Variants in DNAI3 observed in about 807,000 individuals in gnomAD.
DNAI3 encodes the protein dynein axonemal intermediate chain 3.
Under a neutral mutation model 115.5 loss-of-function variants are expected in DNAI3, and 83 were observed. That is an observed-to-expected ratio of 0.72 (90% CI 0.60 to 0.86). The LOEUF is 0.86. Ranked by LOEUF, DNAI3 falls within the 40% of genes least tolerant of loss-of-function variation. The pLI, the probability that DNAI3 is intolerant of heterozygous loss-of-function variation, is 0.00. For synonymous variants in DNAI3, 320 were observed against 347.0 expected (o/e 0.92, Z 0.86); for missense variants, 1,004 against 1,075.8 (o/e 0.93, Z 0.93).
intron 16 of DNAI3, among the ~76,000 whole-genome samples, chr1:85,116,141 T>G (rs575535485): frequency 6.6e-6 from 1 of 152,246 alleles, no homozygotes; most frequent in Non-Finnish European, 1.5e-5. Flanking sequence ...ACTTTCCTCA[T>G]TGGTAACACA....
intron 7 of DNAI3, among the ~76,000 whole-genome samples, chr1:85,088,226 C>T (rs1571169104): frequency 2.0e-5 from 3 of 151,898 alleles, no homozygotes; most frequent in Non-Finnish European, 1.5e-5. Context: ...AATGAGTCAG[C>T]CAGGGTAGAC....
chr1:85,088,679 G>A (rs1654867866), intron 7 of DNAI3, among the ~76,000 whole-genome samples: 1 of 152,126 alleles, frequency 6.6e-6, no homozygotes, highest in African/African-American at 2.4e-5. Context: ...GCAAAGAGAG[G>A]TTAAAAATGA....
chr1:85,065,465 T>C (rs767295754), intron 1 of DNAI3, among the ~76,000 whole-genome samples: 22 of 152,224 alleles, frequency 1.4e-4, no homozygotes, highest in Admixed American at 1.3e-3. Flanking sequence ...GATTATGTCA[T>C]TGTCTTCAGA....
At chr1:85,109,935 A>G (rs1273814760) in intron 15 of DNAI3, 113 bp from the exon 16 acceptor site, 6 of 954,822 alleles carry the variant, frequency 6.3e-6, no homozygotes, top group Non-Finnish European at 9.5e-6. Context: ...GGAAGAAAAA[A>G]AAGGAGGTGG....
chr1:85,068,688 C>G (rs920803852), intron 1 of DNAI3, among the ~76,000 whole-genome samples: 2 of 152,158 alleles, frequency 1.3e-5, no homozygotes, highest in East Asian at 1.9e-4. Context: ...ACCTAGCCCC[C>G]CTTGTGGTAT....
intron 1 of DNAI3, among the ~76,000 whole-genome samples, chr1:85,064,968 G>T (rs1191931798): frequency 1.3e-5 from 2 of 152,152 alleles, no homozygotes; most frequent in African/African-American, 2.4e-5. Flanking sequence ...GGGAGGCGGA[G>T]GTTGCAATGA....
chr1:85,072,332 T>G (rs1451085089), intron 2 of DNAI3, among the ~76,000 whole-genome samples: 1 of 152,130 alleles, frequency 6.6e-6, no homozygotes, highest in Non-Finnish European at 1.5e-5. Context: ...TATTTTGTGT[T>G]TTGAGGTTTG....
At chr1:85,120,265 G>A (rs6576751) in intron 17 of DNAI3, among the ~76,000 whole-genome samples, 95,544 of 152,060 alleles carry the variant, frequency 0.63, 31,411 homozygotes, top group South Asian at 0.83. Context: ...GCATCACTGG[G>A]ATCTCGACTG....
chr1:85,096,778 T>C (rs894460939), intron 11 of DNAI3, among the ~76,000 whole-genome samples: 4 of 152,054 alleles, frequency 2.6e-5, no homozygotes, highest in African/African-American at 9.7e-5. Context: ...AGCTTCCATG[T>C]CCATTTATCC....
intron 3 of DNAI3, among the ~76,000 whole-genome samples, chr1:85,079,864 G>A (rs569413828): frequency 9.5e-4 from 144 of 151,998 alleles, no homozygotes; most frequent in Non-Finnish European, 1.4e-3. Flanking sequence ...CAGATGGGAG[G>A]AAAGGGATTC....
chr1:85,098,179 A>T (rs1217360345), intron 12 of DNAI3, among the ~76,000 whole-genome samples: 1 of 152,224 alleles, frequency 6.6e-6, no homozygotes, highest in African/African-American at 2.4e-5. Context: ...CATCTACTCC[A>T]GCCCAGTTCT....
Position 85,097,598 on chromosome 1 carries a change from A to C in DNAI3, c.1293A>C (p.Ala431=). ...TCATGTGGGATATCACCGCACATGCAGATCGCATAGAAAACATTAAGGCAG... is the reference window on the plus strand; with the variant it reads ...TCATGTGGGATATCACCGCACATGCCGATCGCATAGAAAACATTAAGGCAG... ...QIVMWDITAH[A]DRIENIKAGG... Residue 431 remains alanine, a synonymous_variant, in exon 12 of 23, where the codon GCA becomes GCC. Coordinates refer to ENST00000294664, the MANE Select transcript of DNAI3 (RefSeq NM_145172.5). The C allele has an allele frequency of 6.2e-7, 1 of 1,613,274 alleles. No individual in the cohort carries two copies. Among genetic ancestry groups the C allele is most frequent in the Non-Finnish European group, 8.5e-7 (1 of 1,179,656 alleles).
At chr1:85,106,853 C>T (rs1655503090) in intron 14 of DNAI3, among the ~76,000 whole-genome samples, 1 of 152,232 alleles carries the variant, frequency 6.6e-6, no homozygotes. Context: ...ACGTTGGATT[C>T]CTATCTCACC....
At chr1:85,071,339 C>T (rs1198357603) in intron 1 of DNAI3, among the ~76,000 whole-genome samples, 1 of 152,198 alleles carries the variant, frequency 6.6e-6, no homozygotes, top group Non-Finnish European at 1.5e-5. Context: ...ATGACCTTGG[C>T]CAGTGTTCTG....
chr1:85,106,298 C>A (rs709775), intron 14 of DNAI3, among the ~76,000 whole-genome samples: 78,347 of 152,012 alleles, frequency 0.52, 20,854 homozygotes, highest in African/African-American at 0.64. Context: ...TTTTGAGCTT[C>A]CAAAGTTACT....
At chr1:85,077,543 A>T (rs1654496458) in intron 3 of DNAI3, among the ~76,000 whole-genome samples, 1 of 152,228 alleles carries the variant, frequency 6.6e-6, no homozygotes, top group African/African-American at 2.4e-5. Context: ...ACGTTCAACA[A>T]TATGAATGAA....
chr1:85,104,484 A>AG lies in DNAI3; in HGVS notation c.1480-39dup, dbSNP rs768638154. ...AGAATTTAAAAGGTAAATAGCTATG[A>AG]GAAAAACAATTTTATTTCTCTTTCA... On this transcript the variant is annotated intron_variant, in intron 13 of 22. Coordinates refer to ENST00000294664, the MANE Select transcript of DNAI3 (RefSeq NM_145172.5). 10 of 1,546,898 alleles carry AG rather than the reference A, an allele frequency of 6.5e-6. No homozygotes were observed. The East Asian group carries it at 2.3e-4, about 35-fold the overall frequency.
intron 18 of DNAI3, 130 bp downstream of exon 18, chr1:85,121,944 A>G: frequency 2.3e-6 from 2 of 882,232 alleles, no homozygotes; most frequent in Non-Finnish European, 1.7e-6. Flanking sequence ...GTACTGACTA[A>G]TAAAGTGAAG....
chr1:85,106,744 A>G (rs1394331769), intron 14 of DNAI3, among the ~76,000 whole-genome samples: 1 of 152,214 alleles, frequency 6.6e-6, no homozygotes, highest in African/African-American at 2.4e-5. Context: ...TCTTTGGCCA[A>G]CTGATTTTCA....
Sources: gnomAD v4.1 joint callset for allele counts (sites outside exome capture counted in the v4.1 genomes callset) on GRCh38, gnomAD v4.1.1 for gene constraint, MANE v1.5 for transcripts, NCBI Gene and HGNC (gene_info 2026-07-23, HGNC 2026-07-21) for gene names.